The following ADCY9 variants were observed in gnomAD, a reference collection of about 807,000 sequenced individuals.
The protein encoded by ADCY9 is adenylate cyclase type 9.
Under a neutral mutation model 101.5 loss-of-function variants are expected in ADCY9, and 50 were observed. That is an observed-to-expected ratio of 0.49 (90% confidence interval 0.39 to 0.62). The LOEUF is 0.62. Among genes scored for constraint, ADCY9 ranks in the 20% least tolerant of loss-of-function variants. The pLI is 0.00. For synonymous variants in ADCY9, 905 were observed against 769.3 expected (o/e 1.18, Z -2.92); for missense variants, 1,662 against 1,800.4 (o/e 0.92, Z 1.39).
chr16:3,994,128 G>A (rs979694017), intron 3 of ADCY9, among the ~76,000 whole-genome samples: 1 of 152,072 alleles, frequency 6.6e-6, no homozygotes, highest in Non-Finnish European at 1.5e-5. Flanking sequence ...AGGTCATGGG[G>A]GACAAGCCTT....
At position 3,983,213 on chromosome 16, in the gene ADCY9, C is replaced by T. The variant is rs1322064622; in HGVS notation, c.2519+19G>A. 1.3e-6 allele frequency: 2 copies of T among 1,543,286 alleles called. No individual in the cohort carries two copies. The highest frequency in any genetic ancestry group is 1.4e-5 in the African/African-American group (1 of 73,028). On this transcript the variant is annotated intron_variant, in intron 7 of 10. Coordinates refer to ENST00000294016, the MANE Select transcript of ADCY9 (RefSeq NM_001116.4). ...AGCTAACGGCTCAGAGCTGGAGACC[C>T]AGTCCACGCGGCGCTTACCTGATGG... is the stretch of plus-strand genomic sequence containing the variant.
At chr16:4,061,669 A>G (rs1021875234) in intron 2 of ADCY9, among the ~76,000 whole-genome samples, 1 of 152,220 alleles carries the variant, frequency 6.6e-6, no homozygotes, top group African/African-American at 2.4e-5. Flanking sequence ...ATAAACAAAG[A>G]CAGAAAATTT....
chr16:3,978,233 CCT>C (rs1289113392), intron 8 of ADCY9, among the ~76,000 whole-genome samples: 1 of 152,142 alleles, frequency 6.6e-6, no homozygotes, highest in African/African-American at 2.4e-5. Context: ...GGGAGGCCTC[CCT>C]GTTTGAGAAA....
chr16:3,973,138 T>A (rs181308875), intron 10 of ADCY9, among the ~76,000 whole-genome samples: 54 of 152,348 alleles, frequency 3.5e-4, no homozygotes, highest in African/African-American at 1.2e-3. Context: ...ACAGTTGTAT[T>A]ATTTGAGTAA....
At chr16:4,078,562 G>GAAAA (rs796262600) in intron 2 of ADCY9, among the ~76,000 whole-genome samples, 2 of 65,748 alleles carry the variant, frequency 3.0e-5, no homozygotes, top group African/African-American at 4.7e-5. Context: ...CTCAAAAAAA[G>GAAAA]AAAAAAAAAA....
chr16:4,081,837 T>G (rs2238454), intron 2 of ADCY9, among the ~76,000 whole-genome samples: 74,399 of 131,572 alleles, frequency 0.57, 20,568 homozygotes, highest in African/African-American at 0.62. Flanking sequence ...AGGAGGGCGC[T>G]GTGTCTGCAG....
In ADCY9 at chr16:3,965,464, G is replaced by A. The variant is rs530542003; in HGVS notation, c.*311C>T. ...TTCTAAAAGTCAAATAATACCCAAA[G>A]CCATGATCTCCACTGGCGGCCTCTG... On this transcript the variant is annotated 3_prime_UTR_variant, in exon 11 of 11. Transcript: ENST00000294016. 3.8e-4 allele frequency: 148 copies of A among 392,440 alleles called. No homozygotes were observed. The highest frequency in any genetic ancestry group is 6.2e-4 in the Non-Finnish European group (135 of 219,306). 24.3% of individuals were successfully genotyped at this position (392,440 alleles called of 1,614,324 possible). A position where few individuals can be genotyped will look rare whatever the true frequency, so the allele number is the denominator to read the frequency against.
chr16:4,071,359 A>AT (rs2056833318), intron 2 of ADCY9, among the ~76,000 whole-genome samples: 4 of 146,896 alleles, frequency 2.7e-5, no homozygotes, highest in Admixed American at 6.8e-5. Flanking sequence ...AAAAAAAAAA[A>AT]AAAAATCAAA....
At chr16:4,111,224 G>C (rs1470894814) in intron 2 of ADCY9, among the ~76,000 whole-genome samples, 1 of 152,142 alleles carries the variant, frequency 6.6e-6, no homozygotes, top group Non-Finnish European at 1.5e-5. Context: ...TTTAACCCTG[G>C]GATCAGAAAA....
At position 4,115,267 on chromosome 16, in the gene ADCY9, T is replaced by A. The variant is rs746941841; in HGVS notation, c.176A>T (p.Asp59Val). 1.5e-5 allele frequency: 24 copies of A among 1,613,120 alleles called. No individual in the cohort carries two copies. The highest frequency in any genetic ancestry group is 2.0e-5 in the Non-Finnish European group (24 of 1,179,656). ...SISSSCSSSGDSGGVPRRVGG... is the reference protein window; with the variant it reads ...SISSSCSSSGVSGGVPRRVGG... Reference sequence around the variant, plus strand: ...CACTCGCCGGGGGACGCCCCCGGAGTCCCCAGAGCTGCTGCAGCTAGAGGA... The same window carrying A: ...CACTCGCCGGGGGACGCCCCCGGAGACCCCAGAGCTGCTGCAGCTAGAGGA... Residue 59 changes from aspartate to valine, a missense_variant, in exon 2 of 11, where the codon GAC (aspartate) becomes GTC (valine). Asp to Val is a radical substitution (Grantham distance 152). This residue lies in a region of ADCY9 where 422 missense variants were observed against 392.0 expected (regional missense o/e 1.08). Coordinates refer to ENST00000294016, the MANE Select transcript of ADCY9 (RefSeq NM_001116.4). This position sits in a 1 kb window ranked among gnomAD's most constrained non-coding sequence, Gnocchi z 6.2.
chr16:4,092,905 C>CA (rs1186951190), intron 2 of ADCY9, among the ~76,000 whole-genome samples: 1 of 152,112 alleles, frequency 6.6e-6, no homozygotes, highest in Non-Finnish European at 1.5e-5. Flanking sequence ...CAGCTACATA[C>CA]ATGGATAGCA....
Position 3,966,557 on chromosome 16 carries a change from C to T in ADCY9, c.3280G>A (p.Glu1094Lys). ...CTGTAGTCCGGCTTGCTTAGGAGCT[C>T]GTCAAAGTCCCCGATGAGCTCGTTG... ...VLNELIGDFDELLSKPDYSSI... is the reference protein window; with the variant it reads ...VLNELIGDFDKLLSKPDYSSI... Residue 1094 changes from glutamate (E) to lysine (K), a missense_variant, in exon 11 of 11, where the codon GAG (glutamate) becomes AAG (lysine). Transcript: ENST00000294016. The T allele has an allele frequency of 3.1e-6, 5 of 1,614,124 alleles. No homozygotes were observed. Among genetic ancestry groups the T allele is most frequent in the Non-Finnish European group, 4.2e-6 (5 of 1,180,026 alleles).
chr16:3,988,556 G>A (rs546849183), intron 6 of ADCY9, among the ~76,000 whole-genome samples: 1 of 130,072 alleles, frequency 7.7e-6, no homozygotes, highest in Admixed American at 7.9e-5. Flanking sequence ...GGTGGGGAGG[G>A]GTTCCTTTCC....
rs554197290 is a variant in ADCY9 at position 4,083,718 on chromosome 16, C to G, written c.1693+30032G>C. 1.6e-4 allele frequency among the ~76,000 whole-genome samples: 24 copies of G among 152,286 alleles called. 1 individual carries two copies. The South Asian group carries it at 4.6e-3, about 29-fold the overall frequency. On this transcript the variant is annotated intron_variant, in intron 2 of 10. Transcript: ENST00000294016. ...TAATACATGCTACACCATGGGTGAA[C>G]CCAGAAAACATTAGGCTCAGTGAGA...
intron 2 of ADCY9, among the ~76,000 whole-genome samples, chr16:4,051,919 C>A (rs1443848277): frequency 1.3e-5 from 2 of 152,176 alleles, no homozygotes; most frequent in Non-Finnish European, 2.9e-5. Flanking sequence ...CAAAAAATCT[C>A]CCCACCAGAA....
intron 3 of ADCY9, among the ~76,000 whole-genome samples, chr16:4,006,630 CTCTG>C (rs1268456204): frequency 6.6e-6 from 1 of 152,192 alleles, no homozygotes; most frequent in Non-Finnish European, 1.5e-5. Flanking sequence ...TGTTTTGATT[CTCTG>C]TCTCATTTTA....
At chr16:4,075,090 T>A (rs542852525) in intron 2 of ADCY9, among the ~76,000 whole-genome samples, 1 of 152,244 alleles carries the variant, frequency 6.6e-6, no homozygotes, top group South Asian at 2.1e-4. Flanking sequence ...GGTAGGAGGA[T>A]CACTTCAGCC....
intron 2 of ADCY9, among the ~76,000 whole-genome samples, chr16:4,029,681 G>A (rs922718741): frequency 6.6e-6 from 1 of 152,168 alleles, no homozygotes; most frequent in African/African-American, 2.4e-5. Context: ...GGAGGTGGAG[G>A]TTGCAATGAG....
At chr16:4,087,897 C>T (rs554248094) in intron 2 of ADCY9, among the ~76,000 whole-genome samples, 12 of 151,190 alleles carry the variant, frequency 7.9e-5, no homozygotes, top group Non-Finnish European at 1.6e-4. Flanking sequence ...CTCTCCCTCT[C>T]TTTCTCCCTT....
Sources: allele counts gnomAD v4.1 joint callset (sites outside exome capture counted in the v4.1 genomes callset), GRCh38; gene constraint gnomAD v4.1.1; regional missense constraint gnomAD v4.1.1; non-coding constraint Gnocchi (gnomAD v3.1); transcripts MANE v1.5; gene names NCBI Gene and HGNC (gene_info 2026-07-23, HGNC 2026-07-21).